The following KCND3 variants were observed in gnomAD, a reference collection of about 807,000 sequenced individuals.
KCND3 encodes the protein potassium voltage-gated channel subfamily D member 3, also known as A-type voltage-gated potassium channel KCND3.
Under a neutral mutation model 51.1 loss-of-function variants are expected in KCND3, and 9 were observed. The observed-to-expected ratio is 0.18, with a 90% CI of 0.11 to 0.31. The LOEUF (loss-of-function observed/expected upper bound fraction) is 0.31, where lower values mean the gene tolerates loss of function less well. KCND3 is among the 10% of genes least tolerant of loss of function. The probability of loss-of-function intolerance (pLI) is 1.00; values close to 1 mark genes in which losing one functional copy is unlikely to be tolerated. For synonymous variants in KCND3, 349 were observed against 368.0 expected (o/e 0.95, Z 0.59); for missense variants, 526 against 903.8 (o/e 0.58, Z 5.36).
At chr1:111,903,412 A>G (rs1242548516) in intron 2 of KCND3, among the ~76,000 whole-genome samples, 6 of 152,210 alleles carry the variant, frequency 3.9e-5, no homozygotes, top group African/African-American at 1.4e-4. Flanking sequence ...TGGAGACAGC[A>G]CCCACTCAGT....
intron 3 of KCND3, 77 bp downstream of exon 3, chr1:111,786,867 G>A (rs1664624699): frequency 6.4e-7 from 1 of 1,553,566 alleles, no homozygotes; most frequent in African/African-American, 1.4e-5. Flanking sequence ...CCTGTGAGGA[G>A]CTCTAGTCCT....
At chr1:111,801,220 G>T (rs1435172961) in intron 2 of KCND3, among the ~76,000 whole-genome samples, 1 of 152,276 alleles carries the variant, frequency 6.6e-6, no homozygotes, top group Admixed American at 6.5e-5. Context: ...GGGAGGGCTG[G>T]ATGCTGGGAG....
chr1:111,946,576 C>A (rs72694625), intron 2 of KCND3, among the ~76,000 whole-genome samples: 24,170 of 152,160 alleles, frequency 0.16, 2,125 homozygotes, highest in Non-Finnish European at 0.18. Flanking sequence ...AGTCTCCAGA[C>A]CCCCCTGGCT....
At chr1:111,917,020 CA>C (rs1671246554) in intron 2 of KCND3, among the ~76,000 whole-genome samples, 1 of 151,994 alleles carries the variant, frequency 6.6e-6, no homozygotes, top group Non-Finnish European at 1.5e-5. Flanking sequence ...TGTAATTGAT[CA>C]TACAATAGAC....
chr1:111,779,713 G>T (rs1270489753), intron 5 of KCND3, among the ~76,000 whole-genome samples: 1 of 151,974 alleles, frequency 6.6e-6, no homozygotes, highest in South Asian at 2.1e-4. Context: ...GGTGGGGGTG[G>T]GGGGGCGGTA....
At chr1:111,901,755 C>A (rs893025519) in intron 2 of KCND3, among the ~76,000 whole-genome samples, 1 of 152,116 alleles carries the variant, frequency 6.6e-6, no homozygotes, top group African/African-American at 2.4e-5. Context: ...CCTGACCTCT[C>A]CTGCCTGGAG....
chr1:111,944,510 TG>T (rs1672685465), intron 2 of KCND3, among the ~76,000 whole-genome samples: 1 of 152,116 alleles, frequency 6.6e-6, no homozygotes, highest in Admixed American at 6.5e-5. Context: ...CTTTGCGAGG[TG>T]AAGCCCGGCC....
At position 111,785,951 on chromosome 1, in the gene KCND3, C is replaced by T. The variant is rs543560376; in HGVS notation, c.1269+993G>A. Reference sequence around the variant, plus strand: ...AAAAGAATAAAGTAAGGAGACAAAACCCCAAGCCTCCAAAAGCCAGTCTTT... The same window carrying T: ...AAAAGAATAAAGTAAGGAGACAAAATCCCAAGCCTCCAAAAGCCAGTCTTT... On this transcript the variant is annotated intron_variant, in intron 3 of 7. Transcript: ENST00000302127. Among the ~76,000 whole-genome samples the T allele has an allele frequency of 2.6e-5, 4 of 152,316 alleles. No individual in the cohort carries two copies. In the East Asian group the frequency reaches 7.7e-4, roughly 29 times the overall value.
At chr1:111,816,336 A>G (rs1028521085) in intron 2 of KCND3, among the ~76,000 whole-genome samples, 1 of 152,252 alleles carries the variant, frequency 6.6e-6, no homozygotes, top group Non-Finnish European at 1.5e-5. Flanking sequence ...AAGTCCACAG[A>G]GAAGAGAAGC....
At chr1:111,836,187 C>T (rs979075857) in intron 2 of KCND3, among the ~76,000 whole-genome samples, 7 of 152,220 alleles carry the variant, frequency 4.6e-5, no homozygotes, top group African/African-American at 7.2e-5. Context: ...TGTGACAAGT[C>T]AACATGAATC....
chr1:111,843,413 G>A (rs775422566), intron 2 of KCND3, among the ~76,000 whole-genome samples: 7 of 152,232 alleles, frequency 4.6e-5, no homozygotes, highest in Non-Finnish European at 8.8e-5. Flanking sequence ...CAGATGGCAT[G>A]GGCCCCAAGC....
intron 5 of KCND3, among the ~76,000 whole-genome samples, chr1:111,779,848 A>G (rs1280740393): frequency 6.6e-6 from 1 of 152,222 alleles, no homozygotes; most frequent in Non-Finnish European, 1.5e-5. Flanking sequence ...ACAGAAATCA[A>G]CACTCTTCTC....
At chr1:111,838,189 G>C (rs1667154199) in intron 2 of KCND3, among the ~76,000 whole-genome samples, 1 of 152,184 alleles carries the variant, frequency 6.6e-6, no homozygotes, top group African/African-American at 2.4e-5. Context: ...AGCTCCTTGA[G>C]GGTGGGACAT....
chr1:111,963,944 G>T (rs1184818671), intron 2 of KCND3, among the ~76,000 whole-genome samples: 1 of 152,180 alleles, frequency 6.6e-6, no homozygotes, highest in Non-Finnish European at 1.5e-5. Flanking sequence ...GGCCTTCCTT[G>T]AGGCACCATC....
At chr1:111,967,168 A>C (rs1422790364) in intron 2 of KCND3, among the ~76,000 whole-genome samples, 7 of 151,548 alleles carry the variant, frequency 4.6e-5, no homozygotes, top group African/African-American at 1.7e-4. Flanking sequence ...AACAAAAAAA[A>C]AAACAAAACA....
rs61788809 is a variant in KCND3 at position 111,832,945 on chromosome 1, G to A, written c.1107-45839C>T. Among the ~76,000 whole-genome samples the A allele has an allele frequency of 7.5e-3, 1,142 of 152,278 alleles. 8 individuals are homozygous for A. Among genetic ancestry groups the A allele is most frequent in the Non-Finnish European group, 0.012 (843 of 68,018 alleles). On this transcript the variant is annotated intron_variant, in intron 2 of 7. Coordinates refer to ENST00000302127, the MANE Select transcript of KCND3 (RefSeq NM_001378969.1). ...ACAGACATCATACTGGGTCCAGGAGGTAATTAAAGTTTCAGGGGCAGGTGG... is the reference window on the plus strand; with the variant it reads ...ACAGACATCATACTGGGTCCAGGAGATAATTAAAGTTTCAGGGGCAGGTGG...
At chr1:111,805,220 C>G (rs1665508554) in intron 2 of KCND3, among the ~76,000 whole-genome samples, 1 of 145,408 alleles carries the variant, frequency 6.9e-6, no homozygotes, top group African/African-American at 2.8e-5. Context: ...TCAACCCCAA[C>G]AGGGGGAAAA....
At chr1:111,980,418 C>T (rs540246572) in intron 2 of KCND3, among the ~76,000 whole-genome samples, 1 of 152,210 alleles carries the variant, frequency 6.6e-6, no homozygotes, top group South Asian at 2.1e-4. Context: ...GGTCTCGTCA[C>T]CTGCTCAGTC....
chr1:111,833,670 T>C (rs74888578), intron 2 of KCND3, among the ~76,000 whole-genome samples: 2,328 of 152,308 alleles, frequency 0.015, 69 homozygotes, highest in African/African-American at 0.053. Flanking sequence ...CTGCTGCCCA[T>C]ATACGAAGGC....
Sources: allele counts gnomAD v4.1 joint callset (sites outside exome capture counted in the v4.1 genomes callset), GRCh38; gene constraint gnomAD v4.1.1; transcripts MANE v1.5; gene names NCBI Gene and HGNC (gene_info 2026-07-23, HGNC 2026-07-21).